Variants in MACROD2 observed in about 807,000 individuals in gnomAD.
MACROD2 encodes ADP-ribose glycohydrolase MACROD2.
MACROD2 carries 36 observed loss-of-function variants against 70.4 expected under a neutral mutation model. The ratio of observed to expected loss-of-function variants is 0.51; its 90% CI spans 0.39 to 0.68. MACROD2 has a LOEUF of 0.68. MACROD2 is among the 30% of genes least tolerant of loss of function. The pLI is 0.00. For missense variants in MACROD2, 496 were observed against 538.4 expected (o/e 0.92, Z 0.78); for synonymous variants, 172 against 178.8 (o/e 0.96, Z 0.30).
At chr20:14,436,083 G>T (rs34522477) in intron 3 of MACROD2, among the ~76,000 whole-genome samples, 1 of 151,904 alleles carries the variant, frequency 6.6e-6, no homozygotes, top group South Asian at 2.1e-4. Context: ...ACAATACAAA[G>T]CAATCTTTTC....
chr20:14,475,936 C>G (rs2084589179), intron 3 of MACROD2, among the ~76,000 whole-genome samples: 1 of 151,880 alleles, frequency 6.6e-6, no homozygotes, highest in Non-Finnish European at 1.5e-5. Flanking sequence ...CTTTCCTGTA[C>G]CTGAATATTC....
At chr20:15,557,681 G>A (rs940475743) in intron 8 of MACROD2, among the ~76,000 whole-genome samples, 1 of 152,186 alleles carries the variant, frequency 6.6e-6, no homozygotes, top group Non-Finnish European at 1.5e-5. Flanking sequence ...ACTATAGAGA[G>A]CAAACTGAAT....
intron 7 of MACROD2, among the ~76,000 whole-genome samples, chr20:15,482,463 G>A (rs2047110917): frequency 6.6e-6 from 1 of 152,174 alleles, no homozygotes; most frequent in Admixed American, 6.5e-5. Context: ...TGCAGAAACA[G>A]AAACTCTCCT....
At chr20:14,962,581 G>A (rs116254162) in intron 5 of MACROD2, among the ~76,000 whole-genome samples, 2,405 of 147,836 alleles carry the variant, frequency 0.016, 63 homozygotes, top group African/African-American at 0.055. Context: ...GAAAAGTTAC[G>A]CTATAACAAG....
chr20:14,777,444 A>G (rs1401608801), intron 5 of MACROD2, among the ~76,000 whole-genome samples: 1 of 151,992 alleles, frequency 6.6e-6, no homozygotes, highest in Non-Finnish European at 1.5e-5. Flanking sequence ...TAGAGGCTGG[A>G]AAGCTATCAG....
At chr20:15,166,926 AAATTT>A (rs1228459796) in intron 5 of MACROD2, among the ~76,000 whole-genome samples, 5 of 148,624 alleles carry the variant, frequency 3.4e-5, no homozygotes, top group South Asian at 4.3e-4. Flanking sequence ...TTTAAGTATT[AAATTT>A]AAGTATTTAA....
intron 2 of MACROD2, among the ~76,000 whole-genome samples, chr20:14,058,766 C>T (rs1211091679): frequency 6.6e-6 from 1 of 151,658 alleles, no homozygotes; most frequent in African/African-American, 2.4e-5. Flanking sequence ...GCCTCAGCCT[C>T]CTGAGTAGCT....
chr20:16,031,063 A>G (rs2147581333), intron 15 of MACROD2, among the ~76,000 whole-genome samples: 1 of 152,304 alleles, frequency 6.6e-6, no homozygotes, highest in South Asian at 2.1e-4. Flanking sequence ...TATTTAATGT[A>G]TCTTAAAGAA....
chr20:14,296,715 C>T (rs2082430391), intron 3 of MACROD2, among the ~76,000 whole-genome samples: 1 of 151,976 alleles, frequency 6.6e-6, no homozygotes, highest in Non-Finnish European at 1.5e-5. Context: ...AATTACAAAG[C>T]AGTGTGTGCT....
chr20:14,684,648 A>ACCACCCCCCC (rs2070977501), intron 4 of MACROD2, among the ~76,000 whole-genome samples, 195 bp from the exon 5 acceptor site: 2 of 134,848 alleles, frequency 1.5e-5, no homozygotes, highest in Admixed American at 7.5e-5. Context: ...ACATAACCTC[A>ACCACCCCCCC]CCCCCCCCCC....
At chr20:16,014,725 G>A (rs1357302323) in intron 15 of MACROD2, among the ~76,000 whole-genome samples, 1 of 152,182 alleles carries the variant, frequency 6.6e-6, no homozygotes, top group Non-Finnish European at 1.5e-5. Flanking sequence ...TTCCTTCCAT[G>A]CATGTCCTTT....
chr20:15,737,683 A>G (rs1165555247), intron 8 of MACROD2, among the ~76,000 whole-genome samples: 1 of 152,250 alleles, frequency 6.6e-6, no homozygotes, highest in Non-Finnish European at 1.5e-5. Context: ...AAAGTAAATC[A>G]TTCACAAATA....
chr20:14,049,701 C>T (rs953033198), intron 2 of MACROD2, among the ~76,000 whole-genome samples: 2 of 151,168 alleles, frequency 1.3e-5, no homozygotes, highest in African/African-American at 2.4e-5. Context: ...TACAGTGAGC[C>T]GAGACTGTGC....
chr20:15,688,787 G>A (rs1324362374), intron 8 of MACROD2, among the ~76,000 whole-genome samples: 4 of 152,164 alleles, frequency 2.6e-5, no homozygotes, highest in Non-Finnish European at 5.9e-5. Context: ...GAAGAGGCAA[G>A]GGCAAGGAAT....
In MACROD2 at chr20:15,618,462, ACCGT is replaced by A. The variant is rs1282270140; in HGVS notation, c.645+118617_645+118620del. ...CACACCAGCCTCATGGTTAAGAAGG[ACCGT>A]CAGGAATGTTTTTATCAACTCCAAG... On this transcript the variant is annotated intron_variant, in intron 8 of 17. Transcript: ENST00000684519. 2.4e-4 allele frequency among the ~76,000 whole-genome samples: 36 copies of A among 152,284 alleles called. No homozygotes were observed. The East Asian group carries it at 5.6e-3, about 24-fold the overall frequency.
chr20:15,741,117 G>T (rs1180896175), intron 8 of MACROD2, among the ~76,000 whole-genome samples: 2 of 143,552 alleles, frequency 1.4e-5, no homozygotes, highest in Non-Finnish European at 3.0e-5. Context: ...TTTTGAGGTG[G>T]AGTCTCGCTC....
chr20:15,760,929 G>C (rs1390479120), intron 8 of MACROD2, among the ~76,000 whole-genome samples: 1 of 152,182 alleles, frequency 6.6e-6, no homozygotes, highest in Non-Finnish European at 1.5e-5. Flanking sequence ...TCAGAAAACT[G>C]AGTTTAAATG....
chr20:16,017,660 T>C (rs2066947302), intron 15 of MACROD2, among the ~76,000 whole-genome samples: 2 of 152,286 alleles, frequency 1.3e-5, no homozygotes, highest in South Asian at 4.2e-4. Context: ...TTGCTGGAGG[T>C]GCCCCCTAAG....
intron 4 of MACROD2, among the ~76,000 whole-genome samples, chr20:14,658,603 G>T (rs1986084315): frequency 6.6e-6 from 1 of 151,982 alleles, no homozygotes; most frequent in Non-Finnish European, 1.5e-5. Flanking sequence ...TCAAATTTAT[G>T]TATTTTGTTT....
Sources: allele counts gnomAD v4.1 joint callset (sites outside exome capture counted in the v4.1 genomes callset), GRCh38; gene constraint gnomAD v4.1.1; transcripts MANE v1.5; gene names NCBI Gene and HGNC (gene_info 2026-07-23, HGNC 2026-07-21).